Variants in SLCO3A1 observed in about 807,000 individuals in gnomAD.
The protein encoded by SLCO3A1 is solute carrier organic anion transporter family member 3A1, also known as PGE1 transporter.
Under a neutral mutation model 63.1 loss-of-function variants are expected in SLCO3A1, and 27 were observed. The observed-to-expected ratio is 0.43, with a 90% CI of 0.32 to 0.59. SLCO3A1 has a LOEUF of 0.59. Ranked by LOEUF, SLCO3A1 falls within the 20% of genes least tolerant of loss-of-function variation. The probability of loss-of-function intolerance (pLI) is 0.09; values close to 1 mark genes in which losing one functional copy is unlikely to be tolerated. For missense variants in SLCO3A1, 773 were observed against 945.8 expected (o/e 0.82, Z 2.40); for synonymous variants, 473 against 409.9 (o/e 1.15, Z -1.86).
intron 2 of SLCO3A1, among the ~76,000 whole-genome samples, chr15:92,071,240 C>T (rs11631640): frequency 0.66 from 100,692 of 151,990 alleles, 33,806 homozygotes; most frequent in Admixed American, 0.8. Flanking sequence ...TGCATGCATG[C>T]GAGGCCGGTG....
intron 2 of SLCO3A1, among the ~76,000 whole-genome samples, chr15:92,020,994 C>T (rs958935788): frequency 2.0e-5 from 3 of 152,208 alleles, no homozygotes; most frequent in African/African-American, 7.2e-5. Flanking sequence ...AACCACAGTT[C>T]TTGCCTAATG....
chr15:91,931,761 G>A (rs577920307), intron 2 of SLCO3A1, among the ~76,000 whole-genome samples: 11 of 149,346 alleles, frequency 7.4e-5, no homozygotes, highest in East Asian at 2.1e-4. Context: ...GTGAGCCACC[G>A]CGCCCGGCTG....
intron 4 of SLCO3A1, among the ~76,000 whole-genome samples, chr15:92,119,608 C>G (rs1199507152): frequency 6.6e-6 from 1 of 152,110 alleles, no homozygotes; most frequent in Non-Finnish European, 1.5e-5. Flanking sequence ...GTGGGGTGGA[C>G]CTGGGTGCAG....
downstream of SLCO3A1, among the ~76,000 whole-genome samples, chr15:92,167,509 C>A (rs78832689): frequency 6.6e-6 from 1 of 152,186 alleles, no homozygotes; most frequent in South Asian, 2.1e-4. Flanking sequence ...CTGCTCCGCC[C>A]GACTTATTCC....
At chr15:92,074,782 G>GC (rs767765967) in intron 2 of SLCO3A1, among the ~76,000 whole-genome samples, 79 of 23,304 alleles carry the variant, frequency 3.4e-3, no homozygotes, top group Non-Finnish European at 7.6e-3. Flanking sequence ...GCAGGGCGGT[G>GC]GGGGGTGGCC....
chr15:92,121,917 G>A (rs2047867322), intron 5 of SLCO3A1, among the ~76,000 whole-genome samples: 2 of 152,342 alleles, frequency 1.3e-5, no homozygotes, highest in African/African-American at 2.4e-5. Context: ...TGTGAGGGCT[G>A]TGTCCCTGAA....
intron 2 of SLCO3A1, among the ~76,000 whole-genome samples, chr15:92,064,097 A>G (rs760078972): frequency 8.5e-5 from 13 of 152,156 alleles, no homozygotes; most frequent in Non-Finnish European, 1.3e-4. Context: ...CCATGAGCCT[A>G]ACACTAGAGA....
chr15:92,137,107 A>T, intron 7 of SLCO3A1, among the ~76,000 whole-genome samples: 1 of 144,856 alleles, frequency 6.9e-6, no homozygotes, highest in African/African-American at 2.7e-5. Context: ...ATATCTCCCA[A>T]TGCTATCCCT....
At chr15:92,153,252 A>C (rs939946791) in intron 9 of SLCO3A1, among the ~76,000 whole-genome samples, 3 of 152,202 alleles carry the variant, frequency 2.0e-5, no homozygotes, top group Admixed American at 6.5e-5. Context: ...AAACAAAAAA[A>C]AAAAATCATG....
In SLCO3A1 at chr15:92,163,586, T is replaced by C. The variant is rs1221865137; in HGVS notation, c.*451T>C. ...AAAAAAAACCCACAAGTTGAAAACA[T>C]TGCCAGATTAAGCACTAGTGACACA... On this transcript the variant is annotated 3_prime_UTR_variant, in exon 10 of 10. Transcript: ENST00000318445. 1.1e-5 allele frequency: 11 copies of C among 983,972 alleles called. No homozygotes were observed. Among genetic ancestry groups the C allele is most frequent in the Non-Finnish European group, 1.3e-5 (11 of 829,660 alleles). The allele number at this position is 983,972 out of a possible 1,614,324, so 61.0% of individuals were successfully genotyped here.
chr15:91,920,819 G>A (rs1419907503), intron 2 of SLCO3A1, among the ~76,000 whole-genome samples: 1 of 152,136 alleles, frequency 6.6e-6, no homozygotes, highest in Non-Finnish European at 1.5e-5. Context: ...ATATTTTGAT[G>A]GCTCCCCAAA....
intron 2 of SLCO3A1, among the ~76,000 whole-genome samples, chr15:92,004,372 G>T (rs1437037437): frequency 1.3e-5 from 2 of 152,232 alleles, no homozygotes; most frequent in East Asian, 3.9e-4. Context: ...GATAATGTAT[G>T]CAGGGCATCA....
chr15:91,856,687 C>A lies in SLCO3A1; in HGVS notation c.180+2599C>A, dbSNP rs76672250. On this transcript the variant is annotated intron_variant, in intron 1 of 9. Coordinates refer to ENST00000318445, the MANE Select transcript of SLCO3A1 (RefSeq NM_013272.4). This position sits in a 1 kb window ranked among gnomAD's most constrained non-coding sequence, Gnocchi z 4.9. ...GTCCACGTGCTAAGTGTGCGTTATA[C>A]GTGATCCTTACCTTGGCAATCAGCC... 6.6e-6 allele frequency among the ~76,000 whole-genome samples: 1 copy of A among 152,134 alleles called. No homozygotes were observed.
chr15:92,031,215 G>GA (rs776659899), intron 2 of SLCO3A1, among the ~76,000 whole-genome samples: 284 of 151,666 alleles, frequency 1.9e-3, no homozygotes, highest in Non-Finnish European at 1.0e-3. Context: ...CTATGAATGA[G>GA]AAAAAAAATA....
intron 2 of SLCO3A1, among the ~76,000 whole-genome samples, chr15:92,078,199 G>A (rs1418669641): frequency 6.6e-6 from 1 of 152,202 alleles, no homozygotes; most frequent in Non-Finnish European, 1.5e-5. Context: ...GAACACCTGA[G>A]CATGCTAGTG....
intron 2 of SLCO3A1, among the ~76,000 whole-genome samples, chr15:92,089,944 T>G (rs2047451318): frequency 6.6e-6 from 1 of 152,192 alleles, no homozygotes; most frequent in African/African-American, 2.4e-5. Context: ...GTAGTTTTGT[T>G]TATCAAGCAG....
Position 92,118,534 on chromosome 15 carries a change from TA to T in SLCO3A1, c.1010-1926del, listed in dbSNP as rs1184758953. Among the ~76,000 whole-genome samples the T allele has an allele frequency of 3.9e-5, 6 of 152,366 alleles. No individual in the cohort carries two copies. In the South Asian group the frequency reaches 1.2e-3, roughly 32 times the overall value. ...TATTGAGCTTGTCTGTTAACATTAT[TA>T]AAAACTTATGCATCCCCTATTATTA... On this transcript the variant is annotated intron_variant, in intron 4 of 9. Coordinates refer to ENST00000318445, the MANE Select transcript of SLCO3A1 (RefSeq NM_013272.4).
At chr15:92,113,272 G>A (rs939051561) in intron 4 of SLCO3A1, among the ~76,000 whole-genome samples, 4 of 152,110 alleles carry the variant, frequency 2.6e-5, no homozygotes, top group African/African-American at 9.7e-5. Context: ...CTGCACCTCT[G>A]CAGACACTTG....
chr15:92,128,330 CGT>C lies in SLCO3A1; in HGVS notation c.1374-18_1374-17del. ...GAATTGACCTGTTTCTAATGGCTTC[CGT>C]GTTTCCTTTCTTTTCCAGCACAGCA... On this transcript the variant is annotated intron_variant, in intron 6 of 9. Coordinates refer to ENST00000318445, the MANE Select transcript of SLCO3A1 (RefSeq NM_013272.4). 6.2e-7 allele frequency: 1 copy of C among 1,613,330 alleles called. No homozygotes were observed. The highest frequency in any genetic ancestry group is 8.5e-7 in the Non-Finnish European group (1 of 1,179,708).
Sources: allele counts gnomAD v4.1 joint callset (sites outside exome capture counted in the v4.1 genomes callset), GRCh38; gene constraint gnomAD v4.1.1; non-coding constraint Gnocchi (gnomAD v3.1); transcripts MANE v1.5; gene names NCBI Gene and HGNC (gene_info 2026-07-23, HGNC 2026-07-21).